NOD1: variants seen among roughly 807,000 people sequenced by gnomAD.
The protein encoded by NOD1 is nucleotide binding oligomerization domain containing 1.
A neutral mutation model predicts 81.2 loss-of-function variants in NOD1; 70 were observed. The observed-to-expected ratio is 0.86, with a 90% CI of 0.71 to 1.05. The LOEUF is 1.05. NOD1 is among the 50% of genes least tolerant of loss of function. The pLI, the probability that NOD1 is intolerant of heterozygous loss-of-function variation, is 0.00. For synonymous variants in NOD1, 508 were observed against 526.9 expected, an observed-to-expected ratio of 0.96 and a Z score of 0.49; for missense variants, 1,233 against 1,228.0, an observed-to-expected ratio of 1.00 and a Z score of -0.06.
At chr7:30,456,171 G>A (rs542158955) in intron 4 of NOD1, among the ~76,000 whole-genome samples, 1 of 152,344 alleles carries the variant, frequency 6.6e-6, no homozygotes, top group African/African-American at 2.4e-5. Flanking sequence ...TAAATGAGTT[G>A]TGTCATTCCT....
chr7:30,433,038 C>T, intron 12 of NOD1, 58 bp downstream of exon 12: 1 of 1,322,112 alleles, frequency 7.6e-7, no homozygotes, highest in Non-Finnish European at 1.1e-6. Flanking sequence ...TAAATTTTAT[C>T]TCAAAAAATA....
chr7:30,425,445 T>C lies in NOD1; in HGVS notation c.*193A>G, dbSNP rs1783361835. On this transcript the variant is annotated 3_prime_UTR_variant, in exon 14 of 14. Coordinates refer to ENST00000222823, the MANE Select transcript of NOD1 (RefSeq NM_006092.4). ...CAAGACACATTCTTTTTCTGCAGAATTGTAGCGGGTACTTAGGGAGTTTGC... is the reference window on the plus strand; with the variant it reads ...CAAGACACATTCTTTTTCTGCAGAACTGTAGCGGGTACTTAGGGAGTTTGC... The C allele has an allele frequency of 3.3e-6, 2 of 606,854 alleles. No homozygotes were observed. Among genetic ancestry groups the C allele is most frequent in the Admixed American group, 2.9e-5 (1 of 34,144 alleles). The allele number at this position is 606,854 out of a possible 1,614,324, so 37.6% of individuals were successfully genotyped here. A position where few individuals can be genotyped will look rare whatever the true frequency, so the allele number is the denominator to read the frequency against.
chr7:30,427,661 A>G (rs1783571829), intron 13 of NOD1, among the ~76,000 whole-genome samples: 1 of 152,020 alleles, frequency 6.6e-6, no homozygotes, highest in Non-Finnish European at 1.5e-5. Flanking sequence ...TCCCCTCTCC[A>G]CCCTGACACA....
chr7:30,426,068 T>C (rs1433795226), intron 13 of NOD1, among the ~76,000 whole-genome samples: 2 of 152,136 alleles, frequency 1.3e-5, no homozygotes, highest in African/African-American at 4.8e-5. Context: ...TGCGCTGATT[T>C]TTCTCCTGCA....
chr7:30,447,449 GA>G, intron 7 of NOD1: 1 of 244,098 alleles, frequency 4.1e-6, no homozygotes, highest in Non-Finnish European at 8.2e-6. Flanking sequence ...AAAAGATTCT[GA>G]ATATTAAAAC....
intron 8 of NOD1, 102 bp from the exon 9 acceptor site, chr7:30,446,326 A>T: frequency 1.1e-6 from 1 of 871,024 alleles, no homozygotes; most frequent in African/African-American, 1.6e-5. Flanking sequence ...CCATCTTGGG[A>T]ACCGTACACT....
chr7:30,461,582 C>T (rs1787081812), intron 1 of NOD1, among the ~76,000 whole-genome samples: 1 of 152,232 alleles, frequency 6.6e-6, no homozygotes, highest in Non-Finnish European at 1.5e-5. Context: ...TTTGGATCAA[C>T]CACATTTCCA....
At chr7:30,460,952 T>G (rs532863654) in intron 1 of NOD1, among the ~76,000 whole-genome samples, 57 of 152,082 alleles carry the variant, frequency 3.7e-4, no homozygotes, top group African/African-American at 1.1e-3. Flanking sequence ...GCTGCTCTGG[T>G]GAAAAGGAAG....
At position 30,452,760 on chromosome 7, in the gene NOD1, C is replaced by T; in HGVS notation, c.657G>A (p.Trp219Ter). 6.2e-7 allele frequency: 1 copy of T among 1,614,062 alleles called. No homozygotes were observed. The highest frequency in any genetic ancestry group is 1.3e-5 in the African/African-American group (1 of 75,060). The change falls in exon 6 of 14, where the codon TGG (tryptophan) becomes TGA (stop). Residue 219 changes from tryptophan to a stop codon, truncating the protein, a stop_gained. Coordinates refer to ENST00000222823, the MANE Select transcript of NOD1 (RefSeq NM_006092.4). LOFTEE classifies it high-confidence loss of function. Reference protein sequence around the residue: ...SMLLQRLQSLWATGRLDAGVK... With the variant: ...SMLLQRLQSL Reference sequence around the variant, plus strand: ...CCCCTGCGTCTAGCCGGCCCGTGGCCCAGAGGCTCTGCAGCCGCTGTAGCA... The same window carrying T: ...CCCCTGCGTCTAGCCGGCCCGTGGCTCAGAGGCTCTGCAGCCGCTGTAGCA...
In NOD1 at chr7:30,451,453, A is replaced by C; in HGVS notation, c.1964T>G (p.Met655Arg). 6.2e-7 allele frequency: 1 copy of C among 1,613,628 alleles called. No individual in the cohort carries two copies. Among genetic ancestry groups the C allele is most frequent in the Non-Finnish European group, 8.5e-7 (1 of 1,180,008 alleles). Residue 655 changes from methionine to arginine, a missense_variant, in exon 6 of 14, where the codon ATG becomes AGG. Met to Arg is a moderately conservative substitution (Grantham distance 91). Coordinates refer to ENST00000222823, the MANE Select transcript of NOD1 (RefSeq NM_006092.4). The surrounding 1 kb of genome is among the most constrained non-coding windows in gnomAD (Gnocchi z 4.2). The part of the protein sequence containing the change: ...QVQAMPTFIW[M>R]LRCIYETQSQ... ...CTGTGTCTCGTAGATGCAGCGCAGC[A>C]TCCAGATGAACGTGGGCATGGCCTG...
chr7:30,446,873 G>A (rs1472664104), intron 8 of NOD1, 94 bp downstream of exon 8: 29 of 1,018,794 alleles, frequency 2.8e-5, no homozygotes, highest in Middle Eastern at 2.1e-4. Context: ...AAGGCTTTAG[G>A]ATGAAAGCTC....
intron 7 of NOD1, chr7:30,448,055 C>T (rs904810807): frequency 7.1e-5 from 36 of 504,142 alleles, no homozygotes; most frequent in Non-Finnish European, 1.2e-4. Flanking sequence ...CCCCAATAAC[C>T]AGTTGTAAGC....
At chr7:30,477,046 T>G (rs1788853723) in intron 1 of NOD1, among the ~76,000 whole-genome samples, 1 of 152,192 alleles carries the variant, frequency 6.6e-6, no homozygotes, top group South Asian at 2.1e-4. Context: ...AGGGTTGCTC[T>G]TTATTTTACA....
intron 1 of NOD1, chr7:30,460,737 G>C (rs1786966341): frequency 1.0e-6 from 1 of 953,066 alleles, no homozygotes; most frequent in Non-Finnish European, 1.2e-6. Context: ...AAGGGAGCTG[G>C]GGGTTGCACA....
At chr7:30,449,618 C>T (rs1212665843) in intron 6 of NOD1, among the ~76,000 whole-genome samples, 5 of 152,120 alleles carry the variant, frequency 3.3e-5, no homozygotes, top group African/African-American at 1.2e-4. Flanking sequence ...GCCTGGGCTC[C>T]GGAGGGTCAT....
intron 1 of NOD1, among the ~76,000 whole-genome samples, chr7:30,474,265 G>A (rs1788550460): frequency 6.6e-6 from 1 of 152,252 alleles, no homozygotes; most frequent in African/African-American, 2.4e-5. Flanking sequence ...GCTGGGTGAT[G>A]TGCTAAGCAC....
intron 13 of NOD1, among the ~76,000 whole-genome samples, chr7:30,427,437 T>C (rs1783551769): frequency 6.6e-6 from 1 of 152,148 alleles, no homozygotes; most frequent in Non-Finnish European, 1.5e-5. Context: ...TGAACGTGGC[T>C]CCCCGGCCAG....
At chr7:30,461,831 C>T (rs56055493) in intron 1 of NOD1, among the ~76,000 whole-genome samples, 3,856 of 152,248 alleles carry the variant, frequency 0.025, 72 homozygotes, top group African/African-American at 0.041. Flanking sequence ...CTCCGCCTCC[C>T]GGGTTCACGC....
chr7:30,429,645 T>C (rs1043271193), intron 12 of NOD1, among the ~76,000 whole-genome samples, 188 bp from the exon 13 acceptor site: 4 of 152,218 alleles, frequency 2.6e-5, no homozygotes, highest in Non-Finnish European at 4.4e-5. Flanking sequence ...TAGCTTGATA[T>C]TTTTTAAATT....
Sources: allele counts gnomAD v4.1 joint callset (sites outside exome capture counted in the v4.1 genomes callset), GRCh38; gene constraint gnomAD v4.1.1; non-coding constraint Gnocchi (gnomAD v3.1); transcripts MANE v1.5; gene names NCBI Gene and HGNC (gene_info 2026-07-23, HGNC 2026-07-21).